The following NINJ2 variants were observed in gnomAD, a reference collection of about 807,000 sequenced individuals.
The protein encoded by NINJ2 is ninjurin 2, also known as ninjurin-2.
Under a neutral mutation model 11.7 loss-of-function variants are expected in NINJ2, and 12 were observed. That is an observed-to-expected ratio of 1.02 (90% CI 0.66 to 1.66). NINJ2 has a LOEUF of 1.66. Ranked by LOEUF, NINJ2 falls within the 40% of genes most tolerant of loss-of-function variation. The pLI is 0.00. For missense variants in NINJ2, 187 were observed against 181.8 expected, an observed-to-expected ratio of 1.03 and a Z score of -0.16; for synonymous variants, 93 against 76.8, an observed-to-expected ratio of 1.21 and a Z score of -1.10.
At chr12:565,844 G>GCCTGTGC in intron 2 of NINJ2, 106 bp downstream of exon 2, 1 of 981,724 alleles carries the variant, frequency 1.0e-6, no homozygotes, top group Non-Finnish European at 1.6e-6. Context: ...GCGTGTGGTT[G>GCCTGTGC]CAAAGCTGCC....
intron 1 of NINJ2, among the ~76,000 whole-genome samples, chr12:600,806 A>G (rs1324583065): frequency 1.3e-5 from 2 of 151,902 alleles, no homozygotes; most frequent in African/African-American, 4.8e-5. Flanking sequence ...CTCGGCCTCC[A>G]AAAGTGCTGG....
At chr12:654,903 A>G (rs564662341) in intron 1 of NINJ2, among the ~76,000 whole-genome samples, 7 of 151,932 alleles carry the variant, frequency 4.6e-5, no homozygotes, top group Non-Finnish European at 8.8e-5. Context: ...AAAAAAAAAA[A>G]AGAGAATAAA....
At chr12:652,964 A>G (rs1402767110) in intron 1 of NINJ2, among the ~76,000 whole-genome samples, 1 of 151,282 alleles carries the variant, frequency 6.6e-6, no homozygotes, top group Non-Finnish European at 1.5e-5. Context: ...AAAAAAAGAA[A>G]AAGAAAAAGA....
intron 1 of NINJ2, among the ~76,000 whole-genome samples, chr12:613,771 G>A (rs909020851): frequency 9.2e-5 from 14 of 152,074 alleles, no homozygotes; most frequent in African/African-American, 3.4e-4. Context: ...CGGGCGTGGT[G>A]GCGGGCGCCT....
chr12:594,623 A>AT (rs1400404109), intron 1 of NINJ2, among the ~76,000 whole-genome samples: 1 of 151,984 alleles, frequency 6.6e-6, no homozygotes, highest in East Asian at 1.9e-4. Flanking sequence ...TCCCATCTCA[A>AT]TTTTTTTTAA....
chr12:589,351 A>G (rs2120867298), intron 1 of NINJ2, among the ~76,000 whole-genome samples: 1 of 152,388 alleles, frequency 6.6e-6, no homozygotes, highest in South Asian at 2.1e-4. Context: ...CAGTAAGAAC[A>G]TGATATGATT....
At chr12:571,217 G>C (rs368727264) in intron 1 of NINJ2, among the ~76,000 whole-genome samples, 1 of 152,250 alleles carries the variant, frequency 6.6e-6, no homozygotes, top group Non-Finnish European at 1.5e-5. Flanking sequence ...CTGGACAGAC[G>C]GGGAGTTTGG....
chr12:581,998 G>A lies in NINJ2; in HGVS notation c.34-15820C>T, dbSNP rs1042360247. Among the ~76,000 whole-genome samples the A allele has an allele frequency of 7.2e-5, 11 of 152,258 alleles. No individual in the cohort carries two copies. Among genetic ancestry groups the A allele is most frequent in the Admixed American group, 3.9e-4 (6 of 15,284 alleles). ...GGCTCCCTGCACTGACCCCATGTGC[G>A]GCCAGGCTCCCTGTGCATCCCCCTT... On this transcript the variant is annotated intron_variant, in intron 1 of 3. Transcript: ENST00000305108. The surrounding 1 kb of genome is among the most constrained non-coding windows in gnomAD (Gnocchi z 4.9).
At chr12:584,512 A>G (rs962014094) in intron 1 of NINJ2, among the ~76,000 whole-genome samples, 8 of 152,080 alleles carry the variant, frequency 5.3e-5, no homozygotes, top group Admixed American at 3.9e-4. Flanking sequence ...CTCTACTAAA[A>G]ATTAAAAAAT....
At chr12:624,635 C>G (rs1592103959) in intron 1 of NINJ2, among the ~76,000 whole-genome samples, 2 of 152,140 alleles carry the variant, frequency 1.3e-5, no homozygotes, top group African/African-American at 4.8e-5. Flanking sequence ...TGGTGAAACC[C>G]TGTCTCTACT....
chr12:567,311 C>A (rs534955961), intron 1 of NINJ2, among the ~76,000 whole-genome samples: 1 of 132,654 alleles, frequency 7.5e-6, no homozygotes, highest in African/African-American at 2.9e-5. Context: ...AGGACAGATA[C>A]CTGCTGCGTG....
intron 1 of NINJ2, among the ~76,000 whole-genome samples, chr12:655,475 GA>G (rs1317924861): frequency 6.6e-6 from 1 of 152,176 alleles, no homozygotes; most frequent in African/African-American, 2.4e-5. Context: ...AAACAGCACT[GA>G]ACAAGTAGAA....
chr12:597,870 G>C (rs1947810268), intron 1 of NINJ2, among the ~76,000 whole-genome samples: 2 of 152,268 alleles, frequency 1.3e-5, no homozygotes, highest in African/African-American at 4.8e-5. Context: ...GGGGAATGCT[G>C]GGCTATTACA....
intron 1 of NINJ2, among the ~76,000 whole-genome samples, chr12:607,792 G>C (rs1170148670): frequency 6.6e-6 from 1 of 152,214 alleles, no homozygotes; most frequent in African/African-American, 2.4e-5. Context: ...GTGGCCCACA[G>C]GACTGGGGGT....
chr12:597,155 A>C (rs10849309), intron 1 of NINJ2, among the ~76,000 whole-genome samples: 1 of 152,144 alleles, frequency 6.6e-6, no homozygotes, highest in Non-Finnish European at 1.5e-5. Context: ...AAGGCGAAAC[A>C]CTACGTGGTT....
At chr12:604,498 C>T (rs145063760) in intron 1 of NINJ2, among the ~76,000 whole-genome samples, 7,817 of 152,118 alleles carry the variant, frequency 0.051, 265 homozygotes, top group Non-Finnish European at 0.074. Flanking sequence ...ATTAGCCGGG[C>T]GTGGTGGTGG....
chr12:627,055 G>A (rs1295739765), intron 1 of NINJ2, among the ~76,000 whole-genome samples: 1 of 152,038 alleles, frequency 6.6e-6, no homozygotes, highest in Non-Finnish European at 1.5e-5. Context: ...ACTGAACACC[G>A]GCCTGGGTGA....
At chr12:569,854 C>G (rs913974183) in intron 1 of NINJ2, among the ~76,000 whole-genome samples, 3 of 152,204 alleles carry the variant, frequency 2.0e-5, no homozygotes, top group Non-Finnish European at 4.4e-5. Context: ...AATGCGGGGC[C>G]GACTCGGGCC....
intron 1 of NINJ2, among the ~76,000 whole-genome samples, chr12:652,844 G>A (rs1446812956): frequency 6.6e-6 from 1 of 151,180 alleles, no homozygotes; most frequent in African/African-American, 2.4e-5. Flanking sequence ...CTACTTGGGA[G>A]GCTGAGGCAG....
Sources: allele counts gnomAD v4.1 joint callset (sites outside exome capture counted in the v4.1 genomes callset), GRCh38; gene constraint gnomAD v4.1.1; non-coding constraint Gnocchi (gnomAD v3.1); transcripts MANE v1.5; gene names NCBI Gene and HGNC (gene_info 2026-07-23, HGNC 2026-07-21).